The following OR4E2 variants were observed in gnomAD, a reference collection of about 807,000 sequenced individuals.
OR4E2 encodes the protein olfactory receptor 4E2.
A neutral mutation model predicts 11.0 loss-of-function variants in OR4E2; 9 were observed. That is an observed-to-expected ratio of 0.82 (90% confidence interval 0.49 to 1.43). The LOEUF (loss-of-function observed/expected upper bound fraction) is 1.43, where lower values mean the gene tolerates loss of function less well. Among genes scored for constraint, OR4E2 ranks in the 40% most tolerant of loss-of-function variants. OR4E2 has a pLI of 0.00. For missense variants in OR4E2, 441 were observed against 382.0 expected, an observed-to-expected ratio of 1.15 and a Z score of -1.29; for synonymous variants, 159 against 147.3, an observed-to-expected ratio of 1.08 and a Z score of -0.57.
Position 21,665,354 on chromosome 14 carries a change from C to G in OR4E2, c.272C>G (p.Thr91Ser), listed in dbSNP as rs2138542413. 6.2e-7 allele frequency: 1 copy of G among 1,614,090 alleles called. No homozygotes were observed. Among genetic ancestry groups the G allele is most frequent in the Non-Finnish European group, 8.5e-7 (1 of 1,180,006 alleles). The part of the protein sequence containing the change: ...MLEGLLLERK[T>S]ISFDNCITQL... The stretch of plus-strand genomic sequence containing the variant: ...GAGGGTTTGCTTTTAGAAAGAAAGA[C>G]CATTTCCTTTGACAACTGCATCACA... The change falls in exon 4 of 4, where the codon ACC (threonine) becomes AGC (serine). Residue 91 changes from threonine to serine, a missense_variant. Physicochemically the swap from Thr to Ser is moderately conservative, Grantham distance 58. Transcript: ENST00000641524.
chr14:21,659,740 T>C (rs1018683841), intron 2 of OR4E2, among the ~76,000 whole-genome samples: 2 of 152,248 alleles, frequency 1.3e-5, no homozygotes, highest in Non-Finnish European at 2.9e-5. Flanking sequence ...GCAACTGCTA[T>C]GTTCTATATA....
chr14:21,657,344 T>TCCTA (rs1300935841), intron 2 of OR4E2, among the ~76,000 whole-genome samples: 3 of 124,210 alleles, frequency 2.4e-5, no homozygotes, highest in South Asian at 2.7e-4. Context: ...AATGCTTCCT[T>TCCTA]CCTTCCTTCC....
At chr14:21,658,608 T>C (rs1880143939) in intron 2 of OR4E2, among the ~76,000 whole-genome samples, 1 of 151,938 alleles carries the variant, frequency 6.6e-6, no homozygotes, top group Non-Finnish European at 1.5e-5. Flanking sequence ...AAAGTAAAGA[T>C]GAGTAGGCTG....
chr14:21,657,401 CCTTCCTTT>C (rs1438514649), intron 2 of OR4E2, among the ~76,000 whole-genome samples: 19 of 126,476 alleles, frequency 1.5e-4, no homozygotes, highest in Non-Finnish European at 2.2e-4. Context: ...TTTCTTCCTT[CCTTCCTTT>C]CTTTCTTTCT....
chr14:21,657,841 G>C (rs528474195), intron 2 of OR4E2, among the ~76,000 whole-genome samples: 1 of 151,944 alleles, frequency 6.6e-6, no homozygotes, highest in Non-Finnish European at 1.5e-5. Flanking sequence ...CCACCCCCTC[G>C]GCCTCCTAAA....
chr14:21,657,506 TC>T, intron 2 of OR4E2, among the ~76,000 whole-genome samples: 29 of 115,232 alleles, frequency 2.5e-4, no homozygotes, highest in African/African-American at 8.4e-4. Flanking sequence ...CTTCCTTCCT[TC>T]TTTCTTTGTT....
Position 21,665,982 on chromosome 14 carries a change from G to C in OR4E2, c.900G>C (p.Gln300His). ...RNEEVKSAMK[Q>H]LRQRQVFFTK... ...AGGAGGTAAAAAGTGCCATGAAGCA[G>C]CTCAGGCAGAGACAAGTTTTTTTCA... The change falls in exon 4 of 4, where the codon CAG (glutamine) becomes CAC (histidine). Residue 300 changes from glutamine (Q) to histidine (H), a missense_variant. Physicochemically the swap from Gln to His is conservative, Grantham distance 24 (BLOSUM62 0). Transcript: ENST00000641524. 6.2e-7 allele frequency: 1 copy of C among 1,614,060 alleles called. No homozygotes were observed. The highest frequency in any genetic ancestry group is 8.5e-7 in the Non-Finnish European group (1 of 1,180,006).
rs2138547117 is a variant in OR4E2 at position 21,666,982 on chromosome 14, T to G, written c.*958T>G. On this transcript the variant is annotated 3_prime_UTR_variant, in exon 4 of 4. Coordinates refer to ENST00000641524, the MANE Select transcript of OR4E2 (RefSeq NM_001001912.3). The stretch of plus-strand genomic sequence containing the variant: ...ACTACTATCACTCATTGGGCTGAAG[T>G]ATATCAGTTTATTGTGGAATGGGCA... The G allele has an allele frequency of 6.6e-6, 1 of 152,226 alleles. No homozygotes were observed. Among genetic ancestry groups the G allele is most frequent in the Non-Finnish European group, 1.5e-5 (1 of 68,008 alleles). 9.4% of individuals were successfully genotyped at this position (152,226 alleles called of 1,614,324 possible). A position where few individuals can be genotyped will look rare whatever the true frequency, so the allele number is the denominator to read the frequency against.
intron 3 of OR4E2, among the ~76,000 whole-genome samples, chr14:21,663,844 A>T (rs754047964): frequency 2.0e-4 from 31 of 152,180 alleles, no homozygotes; most frequent in Non-Finnish European, 3.5e-4. Context: ...ATAAATGGGA[A>T]CATGTGATGT....
In OR4E2 at chr14:21,665,879, C is replaced by G. The variant is rs766718046; in HGVS notation, c.797C>G (p.Ser266Cys). The G allele has an allele frequency of 2.5e-6, 4 of 1,609,182 alleles. No individual in the cohort carries two copies. Among genetic ancestry groups the G allele is most frequent in the African/African-American group, 2.7e-5 (2 of 74,686 alleles). The change falls in exon 4 of 4, where the codon TCC becomes TGC. Residue 266 changes from serine to cysteine, a missense_variant. Ser to Cys is a moderately radical substitution (Grantham distance 112). Transcript: ENST00000641524. ...FIYTRPDTSF[S>C]IDKVVSVFYT... ...TATACTCGGCCAGACACCAGCTTCTCCATTGACAAGGTGGTGTCTGTCTTC... is the reference window on the plus strand; with the variant it reads ...TATACTCGGCCAGACACCAGCTTCTGCATTGACAAGGTGGTGTCTGTCTTC...
At position 21,666,760 on chromosome 14, in the gene OR4E2, T is replaced by C. The variant is rs1367288776; in HGVS notation, c.*736T>C. ...CAGGCTGGAGTGCAGTGGCGCCATC[T>C]TAGCTCACTGCAACTTCCACCTCCA... On this transcript the variant is annotated 3_prime_UTR_variant, in exon 4 of 4. Transcript: ENST00000641524. 1 of 150,582 alleles carries C rather than the reference T, an allele frequency of 6.6e-6. No homozygotes were observed. The highest frequency in any genetic ancestry group is 1.5e-5 in the Non-Finnish European group (1 of 67,766). The allele number at this position is 150,582 out of a possible 1,614,324, so 9.3% of individuals were successfully genotyped here.
At chr14:21,663,231 G>C (rs1880433104) in intron 3 of OR4E2, among the ~76,000 whole-genome samples, 1 of 152,180 alleles carries the variant, frequency 6.6e-6, no homozygotes, top group Non-Finnish European at 1.5e-5. Context: ...TGTAATCCCA[G>C]CACTTTGGGA....
intron 1 of OR4E2, 22 bp from the exon 2 acceptor site, chr14:21,656,480 G>C (rs1399557482): frequency 6.6e-6 from 1 of 152,112 alleles, no homozygotes; most frequent in Non-Finnish European, 1.5e-5. Context: ...TTAGGATTTT[G>C]CTTTTTCTGT....
chr14:21,657,504 C>A (rs1435782788), intron 2 of OR4E2, among the ~76,000 whole-genome samples: 2 of 67,978 alleles, frequency 2.9e-5, no homozygotes, highest in African/African-American at 1.1e-4. Flanking sequence ...TCCTTCCTTC[C>A]TTCTTTCTTT....
chr14:21,663,000 C>T lies in OR4E2; in HGVS notation c.-8-2075C>T, dbSNP rs115408750. Among the ~76,000 whole-genome samples the T allele has an allele frequency of 6.5e-3, 986 of 152,110 alleles. 8 individuals are homozygous for T. The highest frequency in any genetic ancestry group is 0.022 in the African/African-American group (928 of 41,480). ...GTATTTATACAATAATATCATATTA[C>T]GTAATTTAAAGAAGTAAGTTTCTTA... On this transcript the variant is annotated intron_variant, in intron 3 of 3. Coordinates refer to ENST00000641524, the MANE Select transcript of OR4E2 (RefSeq NM_001001912.3).
At chr14:21,662,467 A>G (rs1485819352) in intron 3 of OR4E2, among the ~76,000 whole-genome samples, 1 of 151,786 alleles carries the variant, frequency 6.6e-6, no homozygotes, top group Non-Finnish European at 1.5e-5. Context: ...ACACCTGGCT[A>G]ATTTTTGTAT....
At chr14:21,664,503 G>A (rs1880517106) in intron 3 of OR4E2, among the ~76,000 whole-genome samples, 1 of 152,154 alleles carries the variant, frequency 6.6e-6, no homozygotes, top group Non-Finnish European at 1.5e-5. Flanking sequence ...TATGTTTTCT[G>A]AGCAGAGGGA....
Position 21,667,404 on chromosome 14 carries a change from C to T in OR4E2, c.*1380C>T, listed in dbSNP as rs1265280793. 4.6e-5 allele frequency: 7 copies of T among 152,092 alleles called. 1 individual carries two copies. The East Asian group carries it at 1.3e-3, about 29-fold the overall frequency. 9.4% of individuals were successfully genotyped at this position (152,092 alleles called of 1,614,324 possible). On this transcript the variant is annotated 3_prime_UTR_variant, in exon 4 of 4. Coordinates refer to ENST00000641524, the MANE Select transcript of OR4E2 (RefSeq NM_001001912.3). ...CTAACTAAAGAGTAATACATGATTACCTTTTAGTAATCAAAAGGACAAAGA... is the reference window on the plus strand; with the variant it reads ...CTAACTAAAGAGTAATACATGATTATCTTTTAGTAATCAAAAGGACAAAGA...
In OR4E2 at chr14:21,665,419, T is replaced by G. The variant is rs200787618; in HGVS notation, c.337T>G (p.Phe113Val). The change falls in exon 4 of 4, where the codon TTT (phenylalanine) becomes GTT (valine). Residue 113 changes from phenylalanine (F) to valine (V), a missense_variant. Coordinates refer to ENST00000641524, the MANE Select transcript of OR4E2 (RefSeq NM_001001912.3). ...ACATCTCTTTGCCTGTGCCGAGATC[T>G]TTCTGCTGATCATTATGGCGTATGA... is the stretch of plus-strand genomic sequence containing the variant. The part of the protein sequence containing the change: ...FLHLFACAEI[F>V]LLIIMAYDRY... 54 of 1,614,128 alleles carry G rather than the reference T, an allele frequency of 3.3e-5. No individual in the cohort carries two copies. The East Asian group carries it at 1.2e-3, about 36-fold the overall frequency.
Sources: gnomAD v4.1 joint callset for allele counts (sites outside exome capture counted in the v4.1 genomes callset) on GRCh38, gnomAD v4.1.1 for gene constraint, MANE v1.5 for transcripts, NCBI Gene and HGNC (gene_info 2026-07-23, HGNC 2026-07-21) for gene names.